ARHGAP42: variants seen among roughly 807,000 people sequenced by gnomAD.
ARHGAP42 encodes the protein rho GTPase-activating protein 42.
In ARHGAP42, 63 loss-of-function variants were observed where a neutral mutation model predicts 125.0. That is an observed-to-expected ratio of 0.50 (90% confidence interval 0.41 to 0.62). The LOEUF is 0.62. Ranked by LOEUF, ARHGAP42 falls within the 20% of genes least tolerant of loss-of-function variation. ARHGAP42 has a pLI of 0.00. For missense variants in ARHGAP42, 766 were observed against 1,024.2 expected (o/e 0.75, Z 3.44); for synonymous variants, 339 against 351.0 (o/e 0.97, Z 0.38).
At chr11:100,728,133 T>C (rs1227922493) in intron 1 of ARHGAP42, among the ~76,000 whole-genome samples, 1 of 152,224 alleles carries the variant, frequency 6.6e-6, no homozygotes, top group East Asian at 1.9e-4. Flanking sequence ...GTTTTTCCTA[T>C]ATTCAGCTTG....
intron 1 of ARHGAP42, among the ~76,000 whole-genome samples, chr11:100,699,298 T>C (rs1459501882): frequency 6.6e-6 from 1 of 151,694 alleles, no homozygotes; most frequent in Non-Finnish European, 1.5e-5. Flanking sequence ...ATCTGGTAAA[T>C]CTTATTGGGA....
intron 16 of ARHGAP42, among the ~76,000 whole-genome samples, chr11:100,963,855 A>G (rs1858019976): frequency 6.6e-6 from 1 of 152,096 alleles, no homozygotes; most frequent in South Asian, 2.1e-4. Context: ...TTAACCCAGA[A>G]CCCTTTCTTA....
At chr11:100,946,655 A>G (rs1565288973) in intron 10 of ARHGAP42, among the ~76,000 whole-genome samples, 1 of 152,004 alleles carries the variant, frequency 6.6e-6, no homozygotes, top group African/African-American at 2.4e-5. Flanking sequence ...TGGCACACAC[A>G]ACTTTTATTG....
intron 5 of ARHGAP42, among the ~76,000 whole-genome samples, chr11:100,919,443 T>C (rs1240685305): frequency 2.6e-5 from 4 of 152,116 alleles, no homozygotes; most frequent in Admixed American, 2.6e-4. Flanking sequence ...TCAGGCCTGC[T>C]GTGCTAAATC....
At chr11:100,871,253 T>G (rs1402545518) in intron 4 of ARHGAP42, among the ~76,000 whole-genome samples, 1 of 151,954 alleles carries the variant, frequency 6.6e-6, no homozygotes, top group East Asian at 1.9e-4. Context: ...GTATAAAAAT[T>G]AACTAAAACC....
At chr11:100,754,822 T>C (rs1319210717) in intron 1 of ARHGAP42, among the ~76,000 whole-genome samples, 3 of 152,218 alleles carry the variant, frequency 2.0e-5, no homozygotes. Context: ...TTCATTAAAG[T>C]ATATTTTTTA....
intron 4 of ARHGAP42, among the ~76,000 whole-genome samples, chr11:100,891,432 G>C (rs1866215239): frequency 7.2e-6 from 1 of 139,334 alleles, no homozygotes; most frequent in Non-Finnish European, 1.5e-5. Context: ...TAACTTAAAA[G>C]CATCGACTTT....
At chr11:100,954,806 A>T (rs1857762461) in intron 12 of ARHGAP42, among the ~76,000 whole-genome samples, 1 of 152,164 alleles carries the variant, frequency 6.6e-6, no homozygotes, top group Non-Finnish European at 1.5e-5. Flanking sequence ...CCCATCCTTA[A>T]GGAGCAGAGA....
At chr11:100,855,688 A>C (rs967818776) in intron 3 of ARHGAP42, among the ~76,000 whole-genome samples, 1 of 152,082 alleles carries the variant, frequency 6.6e-6, no homozygotes, top group Non-Finnish European at 1.5e-5. Context: ...GAACCACTTG[A>C]AATAGCAAAA....
intron 2 of ARHGAP42, among the ~76,000 whole-genome samples, chr11:100,773,886 A>G (rs1863043909): frequency 6.6e-6 from 1 of 152,126 alleles, no homozygotes; most frequent in Admixed American, 6.6e-5. Context: ...GAGATGAAGA[A>G]TCTACACAAG....
At chr11:100,874,667 C>T (rs900032279) in intron 4 of ARHGAP42, among the ~76,000 whole-genome samples, 1 of 152,178 alleles carries the variant, frequency 6.6e-6, no homozygotes, top group Admixed American at 6.5e-5. Flanking sequence ...TTTTCATTCT[C>T]TGCCTTGATT....
chr11:100,927,135 A>C (rs1194897690), intron 6 of ARHGAP42, among the ~76,000 whole-genome samples: 4 of 152,222 alleles, frequency 2.6e-5, no homozygotes, highest in Non-Finnish European at 4.4e-5. Flanking sequence ...TATTATCAAG[A>C]CGTATACTAT....
intron 17 of ARHGAP42, among the ~76,000 whole-genome samples, chr11:100,972,364 G>A (rs926264718): frequency 3.3e-5 from 5 of 152,146 alleles, no homozygotes; most frequent in Middle Eastern, 3.2e-3. Flanking sequence ...AGTCAAAGTC[G>A]TTCTTGAGAG....
At chr11:100,986,224 C>T (rs551632) in intron 22 of ARHGAP42, 128,215 of 379,024 alleles carry the variant, frequency 0.34, 27,402 homozygotes, top group East Asian at 0.94. Context: ...ATGATAGTTC[C>T]CTGGGCAGCT....
chr11:100,789,393 G>A (rs1228137327), intron 2 of ARHGAP42, among the ~76,000 whole-genome samples: 4 of 152,204 alleles, frequency 2.6e-5, no homozygotes, highest in Admixed American at 1.3e-4. Flanking sequence ...GCTGAGGACC[G>A]AGGGGAGTGG....
intron 6 of ARHGAP42, among the ~76,000 whole-genome samples, chr11:100,928,534 TC>T (rs1169783129): frequency 1.3e-5 from 2 of 151,652 alleles, no homozygotes; most frequent in Admixed American, 6.6e-5. Flanking sequence ...TGCAGTGAAC[TC>T]TAATCATGCC....
chr11:100,748,141 TAAG>T (rs1380660861), intron 1 of ARHGAP42, among the ~76,000 whole-genome samples: 2 of 152,338 alleles, frequency 1.3e-5, no homozygotes, highest in African/African-American at 4.8e-5. Context: ...GAAAACCTTG[TAAG>T]TTTGGGATTT....
chr11:100,751,597 G>A (rs1862459252), intron 1 of ARHGAP42, among the ~76,000 whole-genome samples: 1 of 151,668 alleles, frequency 6.6e-6, no homozygotes, highest in Non-Finnish European at 1.5e-5. Context: ...GTGGTGGATG[G>A]AGGTCCCAGC....
At chr11:100,836,965 T>C (rs528928985) in intron 3 of ARHGAP42, among the ~76,000 whole-genome samples, 1 of 152,236 alleles carries the variant, frequency 6.6e-6, no homozygotes, top group South Asian at 2.1e-4. Flanking sequence ...TTTGGAAGCA[T>C]AGAAATAATT....
Sources: gnomAD v4.1 joint callset for allele counts (sites outside exome capture counted in the v4.1 genomes callset) on GRCh38, gnomAD v4.1.1 for gene constraint, MANE v1.5 for transcripts, NCBI Gene and HGNC (gene_info 2026-07-23, HGNC 2026-07-21) for gene names.